HEATR4: variants seen among roughly 807,000 people sequenced by gnomAD.
The protein encoded by HEATR4 is HEAT repeat containing 4, also known as HEAT repeat-containing protein 4.
Under a neutral mutation model 108.8 loss-of-function variants are expected in HEATR4, and 95 were observed. The observed-to-expected ratio is 0.87, with a 90% CI of 0.74 to 1.04. HEATR4 has a LOEUF of 1.04. HEATR4 is among the 50% of genes least tolerant of loss of function. The pLI is 0.00. For missense variants in HEATR4, 1,152 were observed against 1,253.8 expected, an observed-to-expected ratio of 0.92 and a Z score of 1.23; for synonymous variants, 443 against 459.4, an observed-to-expected ratio of 0.96 and a Z score of 0.46.
At chr14:73,525,580 A>G (rs571036238) in intron 2 of HEATR4, among the ~76,000 whole-genome samples, 3 of 152,318 alleles carry the variant, frequency 2.0e-5, no homozygotes, top group South Asian at 4.1e-4. Context: ...TAGAAAGGCT[A>G]GAGCAAGACG....
At chr14:73,527,095 C>G (rs1324864714) in intron 2 of HEATR4, 1 of 152,188 alleles carries the variant, frequency 6.6e-6, no homozygotes, top group Non-Finnish European at 1.5e-5. Context: ...AGGGCACCCC[C>G]TGGTATACAT....
intron 1 of HEATR4, 103 bp downstream of exon 1, chr14:73,558,648 A>C (rs1889447891): frequency 6.6e-6 from 1 of 150,836 alleles, no homozygotes. Context: ...GAGCCACTGC[A>C]CCAGGCCTAA....
intron 17 of HEATR4, among the ~76,000 whole-genome samples, chr14:73,481,310 A>G (rs1301058574): frequency 4.0e-5 from 6 of 151,416 alleles, no homozygotes. Flanking sequence ...GTGGCGGTGC[A>G]CGCCTGTAAT....
At chr14:73,570,247 A>C in the HEATR4 span, among the ~76,000 whole-genome samples, 1 of 151,704 alleles carries the variant, frequency 6.6e-6, no homozygotes, top group Non-Finnish European at 1.5e-5. Flanking sequence ...CAAAACTGAG[A>C]GGTCCCTCAA....
the HEATR4 span, chr14:73,591,872 C>T: frequency 9.4e-6 from 12 of 1,272,130 alleles, no homozygotes; most frequent in African/African-American, 1.3e-4. Flanking sequence ...CAGGGGACGC[C>T]GGACGCCGTC....
intron 1 of HEATR4, chr14:73,537,743 G>T: frequency 8.0e-7 from 1 of 1,244,296 alleles, no homozygotes; most frequent in Non-Finnish European, 1.1e-6. Flanking sequence ...GGAGCTGGAG[G>T]TGCTGGATGG....
the HEATR4 span, among the ~76,000 whole-genome samples, chr14:73,598,778 G>A: frequency 3.3e-5 from 5 of 151,352 alleles, no homozygotes; most frequent in South Asian, 2.1e-4. Context: ...CAAAGCAGGC[G>A]GATCACCTGA....
chr14:73,546,270 C>T lies in HEATR4; in HGVS notation c.-152+12481G>A, dbSNP rs1335323340. Among the ~76,000 whole-genome samples, 4 of 114,478 alleles carry T rather than the reference C, an allele frequency of 3.5e-5. 1 individual carries two copies. The highest frequency in any genetic ancestry group is 5.7e-5 in the African/African-American group (2 of 35,256). The allele number at this position is 114,478 out of a possible 152,430, so 75.1% of individuals were successfully genotyped here. On this transcript the variant is annotated intron_variant, in intron 1 of 17. Coordinates refer to ENST00000553558, the MANE Select transcript of HEATR4 (RefSeq NM_001220484.1). ...TGCCAGGATTATAGGCGTGAGCCAC[C>T]GCACTTGGCAAAAAAATGTTTTAAT...
chr14:73,500,025 C>G (rs373736613), intron 12 of HEATR4, among the ~76,000 whole-genome samples: 1 of 152,192 alleles, frequency 6.6e-6, no homozygotes, highest in Non-Finnish European at 1.5e-5. Flanking sequence ...GTCAGGACAT[C>G]GAGACCATCC....
chr14:73,603,585 C>A, the HEATR4 span, among the ~76,000 whole-genome samples: 2 of 152,002 alleles, frequency 1.3e-5, no homozygotes, highest in Admixed American at 6.6e-5. Flanking sequence ...GATCTCCTGA[C>A]CTCATGATCC....
the HEATR4 span, among the ~76,000 whole-genome samples, chr14:73,605,746 T>A: frequency 6.6e-6 from 1 of 151,970 alleles, no homozygotes; most frequent in Admixed American, 6.6e-5. Flanking sequence ...AATTTTTGCA[T>A]TTTTAGTAGA....
intron 17 of HEATR4, among the ~76,000 whole-genome samples, chr14:73,479,651 T>C (rs575416734): frequency 6.6e-6 from 1 of 151,416 alleles, no homozygotes; most frequent in East Asian, 2.0e-4. Context: ...TTGGCCAGGC[T>C]GGTCTCGAAC....
intron 15 of HEATR4, 86 bp from the exon 16 acceptor site, chr14:73,495,473 T>A: frequency 8.9e-7 from 1 of 1,124,606 alleles, no homozygotes; most frequent in Non-Finnish European, 1.3e-6. Flanking sequence ...ATAAAGTGAT[T>A]GTAGGAGGCT....
At chr14:73,520,495 G>GGTGGGAGAATATCTCGAA (rs1164231035) in intron 4 of HEATR4, 1 of 178,402 alleles carries the variant, frequency 5.6e-6, no homozygotes, top group African/African-American at 2.4e-5. Flanking sequence ...ATAGCACCTT[G>GGTGGGAGAATATCTCGAA]GTGGGAGAAT....
upstream of HEATR4, among the ~76,000 whole-genome samples, chr14:73,560,068 A>G (rs1215245497): frequency 2.0e-5 from 3 of 152,136 alleles, no homozygotes; most frequent in Non-Finnish European, 4.4e-5. Context: ...TGTATTTCTA[A>G]TAGTATAATT....
At chr14:73,617,718 A>G in the HEATR4 span, among the ~76,000 whole-genome samples, 3 of 152,186 alleles carry the variant, frequency 2.0e-5, no homozygotes, top group African/African-American at 7.2e-5. Context: ...ATATTTTTTG[A>G]GACAACTGGA....
chr14:73,612,187 A>C, the HEATR4 span, among the ~76,000 whole-genome samples: 1 of 152,008 alleles, frequency 6.6e-6, no homozygotes, highest in Non-Finnish European at 1.5e-5. Flanking sequence ...GATTACAGGC[A>C]TGCGCCACCA....
At chr14:73,530,716 C>A (rs1888659319) in intron 1 of HEATR4, 2 of 121,092 alleles carry the variant, frequency 1.7e-5, no homozygotes, top group African/African-American at 2.7e-5. Flanking sequence ...TGGCTCACTG[C>A]AGCCTTGACC....
At chr14:73,524,248 A>T (rs1888160318) in intron 2 of HEATR4, among the ~76,000 whole-genome samples, 2 of 143,904 alleles carry the variant, frequency 1.4e-5, no homozygotes, top group African/African-American at 2.6e-5. Context: ...AGCCAAGATC[A>T]TGCCATTGCA....
Sources: gnomAD v4.1 joint callset for allele counts (sites outside exome capture counted in the v4.1 genomes callset) on GRCh38, gnomAD v4.1.1 for gene constraint, MANE v1.5 for transcripts, NCBI Gene and HGNC (gene_info 2026-07-23, HGNC 2026-07-21) for gene names.